The following FRMPD1 variants were observed in gnomAD, a reference collection of about 807,000 sequenced individuals.
The protein encoded by FRMPD1 is FERM and PDZ domain-containing protein 1.
FRMPD1 carries 76 observed loss-of-function variants against 117.8 expected under a neutral mutation model. The ratio of observed to expected loss-of-function variants is 0.65; its 90% CI spans 0.54 to 0.78. The LOEUF is 0.78. Ranked by LOEUF, FRMPD1 falls within the 30% of genes least tolerant of loss-of-function variation. The pLI, the probability that FRMPD1 is intolerant of heterozygous loss-of-function variation, is 0.00. For missense variants in FRMPD1, 1,786 were observed against 1,964.5 expected, an observed-to-expected ratio of 0.91 and a Z score of 1.72; for synonymous variants, 783 against 770.4, an observed-to-expected ratio of 1.02 and a Z score of -0.27.
chr9:37,647,030 G>T (rs577432943), upstream of FRMPD1, among the ~76,000 whole-genome samples: 1 of 152,114 alleles, frequency 6.6e-6, no homozygotes, highest in East Asian at 1.9e-4. Context: ...ATGCAACACA[G>T]CTTGTCCTTA....
intron 5 of FRMPD1, among the ~76,000 whole-genome samples, chr9:37,717,369 G>GTGTGTGTA (rs1407798527): frequency 5.3e-5 from 5 of 94,130 alleles, no homozygotes; most frequent in Non-Finnish European, 8.7e-5. Context: ...GTGTGTGTGT[G>GTGTGTGTA]TATATATATA....
At chr9:37,721,190 G>T (rs1823384425) in intron 6 of FRMPD1, among the ~76,000 whole-genome samples, 1 of 152,182 alleles carries the variant, frequency 6.6e-6, no homozygotes, top group Non-Finnish European at 1.5e-5. Flanking sequence ...GACTTGGAAG[G>T]TTGGGGCACC....
chr9:37,697,317 C>T (rs537519151), intron 2 of FRMPD1, among the ~76,000 whole-genome samples: 2 of 152,152 alleles, frequency 1.3e-5, no homozygotes, highest in Admixed American at 6.5e-5. Flanking sequence ...TAGCTAAACT[C>T]GGCCAGGCCC....
At chr9:37,626,622 G>GAAAAAAAAAAAAAAA in the FRMPD1 span, among the ~76,000 whole-genome samples, 60 of 48,594 alleles carry the variant, frequency 1.2e-3, 13 homozygotes, top group South Asian at 2.2e-3. Flanking sequence ...CCTGGTATCT[G>GAAAAAAAAAAAAAAA]AAAAAAAAAA....
At chr9:37,697,885 G>T (rs1822382641) in intron 2 of FRMPD1, among the ~76,000 whole-genome samples, 1 of 152,214 alleles carries the variant, frequency 6.6e-6, no homozygotes, top group Non-Finnish European at 1.5e-5. Flanking sequence ...GGGAAGCCAA[G>T]ATGGGCAGAT....
chr9:37,745,769 A>C lies in FRMPD1; in HGVS notation c.3737A>C (p.Glu1246Ala), dbSNP rs530111913. The C allele has an allele frequency of 1.2e-6, 2 of 1,614,174 alleles. No homozygotes were observed. The highest frequency in any genetic ancestry group is 3.3e-5 in the Admixed American group (2 of 60,028). Reference protein sequence around the residue: ...GQDIAPRDSPEWVCFNPEPSL... With the variant: ...GQDIAPRDSPAWVCFNPEPSL... ...GATATAGCCCCTAGGGACAGCCCTG[A>C]GTGGGTCTGTTTTAATCCTGAGCCT... Residue 1246 changes from glutamate (E) to alanine (A), a missense_variant, in exon 16 of 16, where the codon GAG (glutamate) becomes GCG (alanine). Physicochemically the swap from Glu to Ala is moderately radical, Grantham distance 107. Transcript: ENST00000377765.
At chr9:37,672,832 C>T (rs1034851126) in intron 1 of FRMPD1, among the ~76,000 whole-genome samples, 5 of 152,192 alleles carry the variant, frequency 3.3e-5, no homozygotes, top group African/African-American at 4.8e-5. Flanking sequence ...CATCAGATCT[C>T]ATGAGACTTA....
chr9:37,626,500 CAA>C, the FRMPD1 span, among the ~76,000 whole-genome samples: 11,793 of 87,432 alleles, frequency 0.13, 812 homozygotes, highest in East Asian at 0.5. Context: ...GACTTAGTCT[CAA>C]AAAAAAAAAA....
At chr9:37,674,563 G>A (rs774386506) in intron 1 of FRMPD1, among the ~76,000 whole-genome samples, 3 of 152,082 alleles carry the variant, frequency 2.0e-5, no homozygotes, top group Non-Finnish European at 2.9e-5. Flanking sequence ...CCAATTTACT[G>A]TATTAGTCTG....
At chr9:37,737,967 C>T (rs961750253) in intron 14 of FRMPD1, among the ~76,000 whole-genome samples, 33 of 152,256 alleles carry the variant, frequency 2.2e-4, no homozygotes, top group African/African-American at 6.7e-4. Context: ...AAGAACTTCT[C>T]TGCAAGGCAG....
the FRMPD1 span, among the ~76,000 whole-genome samples, chr9:37,638,757 G>C: frequency 6.6e-6 from 1 of 152,160 alleles, no homozygotes; most frequent in Non-Finnish European, 1.5e-5. Flanking sequence ...AGTGCTCCCA[G>C]GGAAGAGCCA....
At chr9:37,685,488 A>G (rs1170290708) in intron 1 of FRMPD1, among the ~76,000 whole-genome samples, 1 of 142,008 alleles carries the variant, frequency 7.0e-6, no homozygotes, top group African/African-American at 2.7e-5. Flanking sequence ...CTAAAAATAC[A>G]AAAAAAAAAA....
intron 2 of FRMPD1, among the ~76,000 whole-genome samples, chr9:37,699,240 T>C (rs2182319): frequency 0.34 from 51,186 of 151,798 alleles, 9,418 homozygotes; most frequent in Non-Finnish European, 0.43. Context: ...CCACCTATTC[T>C]GTCATATGAA....
At chr9:37,688,551 A>G (rs1812201316) in intron 1 of FRMPD1, among the ~76,000 whole-genome samples, 1 of 152,116 alleles carries the variant, frequency 6.6e-6, no homozygotes, top group East Asian at 1.9e-4. Flanking sequence ...CTAGGAATTT[A>G]TCCCCCCAAA....
At chr9:37,717,382 T>TGTGTGTGTA (rs1491339188) in intron 5 of FRMPD1, among the ~76,000 whole-genome samples, 77 of 86,560 alleles carry the variant, frequency 8.9e-4, no homozygotes, top group African/African-American at 3.3e-3. Context: ...TATATATATA[T>TGTGTGTGTA]TTTTTTTTTT....
chr9:37,715,604 G>A, intron 5 of FRMPD1: 1 of 455,614 alleles, frequency 2.2e-6, no homozygotes, highest in South Asian at 1.6e-5. Context: ...AATCCAGAGA[G>A]AGCTTAGAAG....
At chr9:37,644,419 C>A in the FRMPD1 span, among the ~76,000 whole-genome samples, 2 of 152,150 alleles carry the variant, frequency 1.3e-5, no homozygotes, top group African/African-American at 4.8e-5. Flanking sequence ...TTTGCCAATC[C>A]TGCACTGCGA....
chr9:37,676,628 G>A (rs1352070207), intron 1 of FRMPD1, among the ~76,000 whole-genome samples: 1 of 152,198 alleles, frequency 6.6e-6, no homozygotes, highest in Admixed American at 6.5e-5. Context: ...TTTCCGGATA[G>A]AATGCTTAAT....
chr9:37,662,912 A>C (rs73443173), intron 1 of FRMPD1, among the ~76,000 whole-genome samples: 2,577 of 152,310 alleles, frequency 0.017, 81 homozygotes, highest in African/African-American at 0.058. Flanking sequence ...TACATGCGTA[A>C]AGAGAATTAA....
Sources: gnomAD v4.1 joint callset for allele counts (sites outside exome capture counted in the v4.1 genomes callset) on GRCh38, gnomAD v4.1.1 for gene constraint, MANE v1.5 for transcripts, NCBI Gene and HGNC (gene_info 2026-07-23, HGNC 2026-07-21) for gene names.